TMF1: variants seen among roughly 807,000 people sequenced by gnomAD.
TMF1 encodes TATA element modulatory factor.
In TMF1, 71 loss-of-function variants were observed where a neutral mutation model predicts 126.5. The observed-to-expected ratio is 0.56, with a 90% confidence interval of 0.46 to 0.68. The LOEUF (loss-of-function observed/expected upper bound fraction) is 0.68, where lower values mean the gene tolerates loss of function less well. TMF1 is among the 30% of genes least tolerant of loss of function. The pLI, the probability that TMF1 is intolerant of heterozygous loss-of-function variation, is 0.00. For synonymous variants in TMF1, 461 were observed against 430.5 expected, an observed-to-expected ratio of 1.07 and a Z score of -0.88; for missense variants, 1,259 against 1,253.2, an observed-to-expected ratio of 1.00 and a Z score of -0.07.
intron 8 of TMF1, among the ~76,000 whole-genome samples, chr3:69,037,752 G>A (rs751070995): frequency 4.6e-5 from 7 of 152,070 alleles, no homozygotes; most frequent in Non-Finnish European, 7.4e-5. Flanking sequence ...GTTGCAGTGA[G>A]CTGAGATCGT....
intron 10 of TMF1, among the ~76,000 whole-genome samples, chr3:69,031,530 TTTTG>T (rs895122465): frequency 3.3e-5 from 5 of 152,208 alleles, no homozygotes; most frequent in South Asian, 4.1e-4. Flanking sequence ...TATACATTAA[TTTTG>T]TAAGATTTTA....
intron 9 of TMF1, chr3:69,034,021 C>T: frequency 5.4e-6 from 1 of 184,764 alleles, no homozygotes; most frequent in Non-Finnish European, 1.1e-5. Context: ...CATCATGTTG[C>T]TCAGGCTGGC....
At chr3:69,033,258 A>T (rs1179749524) in intron 10 of TMF1, among the ~76,000 whole-genome samples, 1 of 131,210 alleles carries the variant, frequency 7.6e-6, no homozygotes, top group Non-Finnish European at 1.6e-5. Flanking sequence ...TCAGTGAAAG[A>T]GTGAGACTCC....
Position 69,048,382 on chromosome 3 carries a change from G to A in TMF1, c.323C>T (p.Thr108Ile). Residue 108 changes from threonine to isoleucine, a missense_variant, in exon 2 of 17, where the codon ACC becomes ATC. Transcript: ENST00000398559. ...SAFLSPTDVQ[T>I]IQKSPVVSKP... ...TGATACCACTGGACTCTTCTGAATGGTCTGGACATCAGTTGGCGAGAGAAA... is the reference window on the plus strand; with the variant it reads ...TGATACCACTGGACTCTTCTGAATGATCTGGACATCAGTTGGCGAGAGAAA... 1 of 1,614,112 alleles carries A rather than the reference G, an allele frequency of 6.2e-7. No homozygotes were observed.
Position 69,025,680 on chromosome 3 carries a change from C to T in TMF1, c.2892G>A (p.Met964Ile), listed in dbSNP as rs1410857872. 1.9e-6 allele frequency: 3 copies of T among 1,613,870 alleles called. No homozygotes were observed. The African/African-American group carries it at 4.0e-5, about 22-fold the overall frequency. Residue 964 changes from methionine to isoleucine, a missense_variant, in exon 15 of 17, where the codon ATG becomes ATA. By Grantham distance (10) the Met-to-Ile change is conservative (BLOSUM62 1). Coordinates refer to ENST00000398559, the MANE Select transcript of TMF1 (RefSeq NM_007114.3). ...DESHDHSFGP[M>I]PISANGSNLY... ...GATTGCTTCCATTTGCTGATATAGG[C>T]ATTGGTCCAAATGAGTGATCATGAG...
Position 69,047,866 on chromosome 3 carries a change from G to GTC in TMF1, c.838_839insGA (p.Thr280ArgfsTer10). On this transcript the variant is annotated frameshift_variant, in exon 2 of 17. Transcript: ENST00000398559. LOFTEE classifies it high-confidence loss of function. ...CAAGTGAAGACTTGATTTTGAATCT[G>GTC]TAGTCTCTTGTCTCGAGCTCGCTGA... The GTC allele has an allele frequency of 6.2e-7, 1 of 1,613,986 alleles. No individual in the cohort carries two copies. The highest frequency in any genetic ancestry group is 1.1e-5 in the South Asian group (1 of 91,086).
chr3:69,043,877 CTAAATT>C lies in TMF1; in HGVS notation c.1452-7_1452-2del. The C allele has an allele frequency of 6.3e-7, 1 of 1,596,446 alleles. No individual in the cohort carries two copies. Among genetic ancestry groups the C allele is most frequent in the Non-Finnish European group, 8.5e-7 (1 of 1,172,758 alleles). The stretch of plus-strand genomic sequence containing the variant: ...TTCTTCTTTCACTCTGAACATTTCA[CTAAATT>C]TAAAATAATATTTGAGAATGAGGAT... On this transcript the variant is annotated splice_acceptor_variant and splice_polypyrimidine_tract_variant and intron_variant, in intron 3 of 16. Transcript: ENST00000398559. LOFTEE classifies it high-confidence loss of function.
intron 8 of TMF1, among the ~76,000 whole-genome samples, chr3:69,036,750 TCAA>T (rs2091833567): frequency 6.6e-6 from 1 of 152,144 alleles, no homozygotes; most frequent in African/African-American, 2.4e-5. Context: ...AATAGTTTTC[TCAA>T]CAACTGGTCC....
At chr3:69,047,297 A>T in intron 2 of TMF1, 61 bp downstream of exon 2, 1 of 1,488,452 alleles carries the variant, frequency 6.7e-7, no homozygotes, top group Non-Finnish European at 8.9e-7. Flanking sequence ...GTATTTTTTA[A>T]AACAAATGAT....
At chr3:69,026,229 T>C (rs887191556) in intron 13 of TMF1, 132 bp from the exon 14 acceptor site, 9 of 559,348 alleles carry the variant, frequency 1.6e-5, no homozygotes, top group Non-Finnish European at 2.2e-5. Flanking sequence ...AGGAATTCAA[T>C]ACAATCAAAA....
rs750406354 is a variant in TMF1 at position 69,043,783 on chromosome 3, T to C, written c.1545A>G (p.Gln515=). The stretch of plus-strand genomic sequence containing the variant: ...CAGCATCTCTCTCTTTGCAGGCTAG[T>C]TGAACTTTCTTTTCTGCTTCTGCAA... ...QRIAEAEKKV[Q]LACKERDAAK... The change falls in exon 4 of 17, where the codon CAA becomes CAG. Residue 515 remains glutamine (Q), a synonymous_variant. Transcript: ENST00000398559. 1.7e-5 allele frequency: 27 copies of C among 1,611,926 alleles called. No homozygotes were observed. In the South Asian group the frequency reaches 2.5e-4, roughly 15 times the overall value.
chr3:69,039,966 C>A lies in TMF1; in HGVS notation c.1685-273G>T, dbSNP rs192068551. Among the ~76,000 whole-genome samples, 347 of 152,290 alleles carry A rather than the reference C, an allele frequency of 2.3e-3. 3 individuals are homozygous for A. Among genetic ancestry groups the A allele is most frequent in the African/African-American group, 8.0e-3 (333 of 41,564 alleles). On this transcript the variant is annotated intron_variant, in intron 5 of 16. Transcript: ENST00000398559. ...AAAGAGAAAAATCTGGCAGTCAACT[C>A]CTTAACTAAGCATTCAGTTTTGGCA...
At chr3:69,043,661 T>C (rs1435795834) in intron 4 of TMF1, 89 bp downstream of exon 4, 1 of 1,268,940 alleles carries the variant, frequency 7.9e-7, no homozygotes, top group Non-Finnish European at 1.1e-6. Context: ...TTACTTCTCT[T>C]TTTTCCAATA....
Position 69,027,993 on chromosome 3 carries a change from C to G in TMF1, c.2665-1G>C. 1.3e-6 allele frequency: 2 copies of G among 1,522,906 alleles called. No individual in the cohort carries two copies. The highest frequency in any genetic ancestry group is 1.8e-6 in the Non-Finnish European group (2 of 1,104,588). The allele number at this position is 1,522,906 out of a possible 1,614,324, so 94.3% of individuals were successfully genotyped here. On this transcript the variant is annotated splice_acceptor_variant, in intron 12 of 16. Transcript: ENST00000398559. LOFTEE classifies it high-confidence loss of function. ...TTTCTAACTGACTATTCAACAATGT[C>G]TAATAGAGAGAAATAAAGTTAGACA...
At chr3:69,030,075 C>A in intron 10 of TMF1, 68 bp from the exon 11 acceptor site, 1 of 1,384,334 alleles carries the variant, frequency 7.2e-7, no homozygotes, top group South Asian at 1.4e-5. Flanking sequence ...CAAGTCAATT[C>A]TGATTTCAAA....
chr3:69,028,747 T>C (rs2091783294), intron 11 of TMF1, among the ~76,000 whole-genome samples: 1 of 152,124 alleles, frequency 6.6e-6, no homozygotes, highest in African/African-American at 2.4e-5. Context: ...ACCATTGCCT[T>C]AATATAATCT....
chr3:69,048,471 A>G lies in TMF1; in HGVS notation c.234T>C (p.Pro78=). Residue 78 remains proline (P), a synonymous_variant, in exon 2 of 17, where the codon CCT becomes CCC. Transcript: ENST00000398559. ...TEPQSPPIAS[P]KAITKPVRRT... ...TCCGAACTGGCTTTGTGATTGCTTTAGGAGAGGCTATTGGTGGACTCTGAG... is the reference window on the plus strand; with the variant it reads ...TCCGAACTGGCTTTGTGATTGCTTTGGGAGAGGCTATTGGTGGACTCTGAG... 6.2e-7 allele frequency: 1 copy of G among 1,614,192 alleles called. No individual in the cohort carries two copies. Among genetic ancestry groups the G allele is most frequent in the Non-Finnish European group, 8.5e-7 (1 of 1,180,028 alleles).
intron 8 of TMF1, among the ~76,000 whole-genome samples, chr3:69,036,715 T>C (rs2091833304): frequency 6.6e-6 from 1 of 152,118 alleles, no homozygotes; most frequent in African/African-American, 2.4e-5. Context: ...TAAAATTAAA[T>C]CAAAAGGGCA....
At chr3:69,039,506 G>T in intron 6 of TMF1, 45 bp downstream of exon 6, 4 of 1,575,988 alleles carry the variant, frequency 2.5e-6, no homozygotes, top group Non-Finnish European at 3.4e-6. Flanking sequence ...GTTCATACAG[G>T]AAGTAATAAC....
Sources: allele counts gnomAD v4.1 joint callset (sites outside exome capture counted in the v4.1 genomes callset), GRCh38; gene constraint gnomAD v4.1.1; transcripts MANE v1.5; gene names NCBI Gene and HGNC (gene_info 2026-07-23, HGNC 2026-07-21).